The following SCAF11 variants were observed in gnomAD, a reference collection of about 807,000 sequenced individuals.
SCAF11 encodes the protein SR-related CTD associated factor 11.
SCAF11 carries 47 observed loss-of-function variants against 140.5 expected under a neutral mutation model. That is an observed-to-expected ratio of 0.33 (90% confidence interval 0.26 to 0.43). SCAF11 has a LOEUF of 0.43. Among genes scored for constraint, SCAF11 ranks in the 20% least tolerant of loss-of-function variants. The pLI is 1.00. For missense variants in SCAF11, 1,645 were observed against 1,705.1 expected (o/e 0.96, Z 0.62); for synonymous variants, 557 against 579.4 (o/e 0.96, Z 0.55).
intron 1 of SCAF11, among the ~76,000 whole-genome samples, chr12:45,981,103 T>C (rs1946339218): frequency 6.6e-6 from 1 of 152,214 alleles, no homozygotes; most frequent in African/African-American, 2.4e-5. Flanking sequence ...TGTTAGAGAT[T>C]GAGTGATATT....
chr12:45,974,333 C>T (rs538662948), intron 1 of SCAF11: 1 of 415,868 alleles, frequency 2.4e-6, no homozygotes, highest in Non-Finnish European at 4.9e-6. Context: ...TTGGCTGTGG[C>T]AATTCCTTAA....
intron 3 of SCAF11, among the ~76,000 whole-genome samples, chr12:45,957,070 T>C (rs572799969): frequency 6.6e-6 from 1 of 152,216 alleles, no homozygotes; most frequent in Non-Finnish European, 1.5e-5. Context: ...TGATCATCTA[T>C]TGCATAGGCG....
rs1220853878 is a variant in SCAF11 at position 45,976,523 on chromosome 12, T to A, written c.-21-12335A>T. Reference sequence around the variant, plus strand: ...GTTTCAGGCATCTACTTGAAATATATCCCACATGGAAAAGGGGTAACTACT... The same window carrying A: ...GTTTCAGGCATCTACTTGAAATATAACCCACATGGAAAAGGGGTAACTACT... On this transcript the variant is annotated intron_variant, in intron 1 of 14. Transcript: ENST00000369367. Among the ~76,000 whole-genome samples, 4 of 152,048 alleles carry A rather than the reference T, an allele frequency of 2.6e-5. No homozygotes were observed. The East Asian group carries it at 7.7e-4, about 29-fold the overall frequency.
chr12:45,982,444 T>C (rs1946368833), intron 1 of SCAF11, among the ~76,000 whole-genome samples: 1 of 152,202 alleles, frequency 6.6e-6, no homozygotes, highest in African/African-American at 2.4e-5. Context: ...CAGTGGCTCA[T>C]GACTGTAATC....
At chr12:45,982,654 G>A (rs963945000) in intron 1 of SCAF11, among the ~76,000 whole-genome samples, 13 of 152,306 alleles carry the variant, frequency 8.5e-5, no homozygotes, top group African/African-American at 2.4e-4. Flanking sequence ...ACAGTGAACC[G>A]AGATTGTACC....
chr12:45,922,876 A>G (rs1214828504), intron 13 of SCAF11, 60 bp downstream of exon 13: 15 of 1,463,730 alleles, frequency 1.0e-5, no homozygotes, highest in African/African-American at 1.4e-5. Context: ...TAAAAAGCTG[A>G]TATTTTTTCT....
At chr12:45,990,661 C>G (rs898949333), upstream of SCAF11, 43 of 1,093,936 alleles carry the variant, frequency 3.9e-5, no homozygotes, top group Non-Finnish European at 4.2e-5. Flanking sequence ...TGTCGGCGCG[C>G]TAAGGTGACG....
intron 11 of SCAF11, 95 bp from the exon 12 acceptor site, chr12:45,925,169 C>T (rs1944829417): frequency 2.3e-6 from 2 of 874,860 alleles, no homozygotes; most frequent in South Asian, 3.6e-5. Flanking sequence ...AATTAAATAG[C>T]AATTAATAGG....
chr12:45,931,858 T>C (rs1945051887), intron 9 of SCAF11, among the ~76,000 whole-genome samples: 1 of 152,162 alleles, frequency 6.6e-6, no homozygotes, highest in African/African-American at 2.4e-5. Flanking sequence ...AAAGAAAAGA[T>C]GAAAGCAACT....
chr12:45,927,332 C>A lies in SCAF11; in HGVS notation c.2369G>T (p.Arg790Leu). 1 of 1,608,970 alleles carries A rather than the reference C, an allele frequency of 6.2e-7. No individual in the cohort carries two copies. Residue 790 changes from arginine to leucine, a missense_variant, in exon 11 of 15, where the codon CGA becomes CTA. Arg to Leu is a moderately radical substitution (Grantham distance 102). Transcript: ENST00000369367. ...TIDKTKKPRTRRSRFHSPSTT... is the reference protein window; with the variant it reads ...TIDKTKKPRTLRSRFHSPSTT... Reference sequence around the variant, plus strand: ...AGATGGAGAATGAAATCTAGATCTTCGAGTACGAGGCTTTTTGGTTTTATC... The same window carrying A: ...AGATGGAGAATGAAATCTAGATCTTAGAGTACGAGGCTTTTTGGTTTTATC...
In SCAF11 at chr12:45,973,704, G is replaced by A. The variant is rs1226453692; in HGVS notation, c.-21-9516C>T. 3.3e-5 allele frequency among the ~76,000 whole-genome samples: 5 copies of A among 152,266 alleles called. No homozygotes were observed. The South Asian group carries it at 8.3e-4, about 25-fold the overall frequency. On this transcript the variant is annotated intron_variant, in intron 1 of 14. Transcript: ENST00000369367. Reference sequence around the variant, plus strand: ...GAAAGGGGAACAACATCCTTCAAATGCTAAAATGGAAAAGAACTGTAAACC... The same window carrying A: ...GAAAGGGGAACAACATCCTTCAAATACTAAAATGGAAAAGAACTGTAAACC...
At chr12:45,981,823 T>C (rs1946358279) in intron 1 of SCAF11, among the ~76,000 whole-genome samples, 2 of 151,730 alleles carry the variant, frequency 1.3e-5, no homozygotes, top group South Asian at 2.1e-4. Context: ...AGGAAGAAAA[T>C]AGAGGAACAA....
chr12:45,947,078 T>C (rs987457408), intron 5 of SCAF11, among the ~76,000 whole-genome samples: 2 of 152,190 alleles, frequency 1.3e-5, no homozygotes, highest in African/African-American at 4.8e-5. Flanking sequence ...CCAACTGTTT[T>C]AGGAACTAAA....
chr12:45,951,434 C>T (rs901462990), intron 4 of SCAF11, among the ~76,000 whole-genome samples: 1 of 152,082 alleles, frequency 6.6e-6, no homozygotes, highest in Non-Finnish European at 1.5e-5. Flanking sequence ...ACAAGGTGAT[C>T]ATTATGGATA....
upstream of SCAF11, chr12:45,992,021 C>A: frequency 3.9e-6 from 5 of 1,288,952 alleles, no homozygotes; most frequent in Non-Finnish European, 5.1e-6. Context: ...GCCGCGGCCC[C>A]GCCGACCGAC....
intron 1 of SCAF11, 51 bp downstream of exon 1, chr12:45,990,301 CT>C (rs1433527290): frequency 8.1e-7 from 1 of 1,231,584 alleles, no homozygotes; most frequent in Non-Finnish European, 1.0e-6. Flanking sequence ...ACCCTCGTCT[CT>C]CCCAGACAGC....
At position 45,919,177 on chromosome 12, in the gene SCAF11, ATATT is replaced by A. The variant is rs1391143587; in HGVS notation, c.*2867_*2870del. 1 of 152,226 alleles carries A rather than the reference ATATT, an allele frequency of 6.6e-6. No homozygotes were observed. Among genetic ancestry groups the A allele is most frequent in the Admixed American group, 6.5e-5 (1 of 15,284 alleles). The allele number at this position is 152,226 out of a possible 1,614,324, so 9.4% of individuals were successfully genotyped here. A position where few individuals can be genotyped will look rare whatever the true frequency, so the allele number is the denominator to read the frequency against. On this transcript the variant is annotated 3_prime_UTR_variant, in exon 15 of 15. Coordinates refer to ENST00000369367, the MANE Select transcript of SCAF11 (RefSeq NM_004719.3). ...TTAGAAAATATTACACACTACATAC[ATATT>A]TATTTAAGAGTATAATTTCAGTAGA... is the stretch of plus-strand genomic sequence containing the variant.
chr12:45,975,124 T>C (rs967176651), intron 1 of SCAF11: 3 of 152,252 alleles, frequency 2.0e-5, no homozygotes, highest in Non-Finnish European at 4.4e-5. Context: ...CAGTAAACCA[T>C]GCTGTAAACG....
In SCAF11 at chr12:45,926,540, T is replaced by A. The variant is rs771031513; in HGVS notation, c.3161A>T (p.Asn1054Ile). ...ESHWEENRNENSGNSWNKNFG... is the reference protein window; with the variant it reads ...ESHWEENRNEISGNSWNKNFG... ...GTTTTTATTCCAAGAATTTCCTGAA[T>A]TTTCATTTCTATTTTCTTCCCAATG... is the stretch of plus-strand genomic sequence containing the variant. Residue 1054 changes from asparagine to isoleucine, a missense_variant, in exon 11 of 15, where the codon AAT (asparagine) becomes ATT (isoleucine). Physicochemically the swap from Asn to Ile is moderately radical, Grantham distance 149. Around this residue, in one of 2 missense-constraint regions of SCAF11, gnomAD observed 1,582 missense variants for 1,609.2 expected, o/e 0.98. Transcript: ENST00000369367. 1 of 1,613,264 alleles carries A rather than the reference T, an allele frequency of 6.2e-7. No individual in the cohort carries two copies. The highest frequency in any genetic ancestry group is 8.5e-7 in the Non-Finnish European group (1 of 1,179,850).
Sources: gnomAD v4.1 joint callset for allele counts (sites outside exome capture counted in the v4.1 genomes callset) on GRCh38, gnomAD v4.1.1 for gene constraint, gnomAD v4.1.1 regional missense constraint, MANE v1.5 for transcripts, NCBI Gene and HGNC (gene_info 2026-07-23, HGNC 2026-07-21) for gene names.